CTNNA2: variants seen among roughly 807,000 people sequenced by gnomAD.
The protein encoded by CTNNA2 is catenin alpha-2.
In CTNNA2, 42 loss-of-function variants were observed where a neutral mutation model predicts 101.0. That is an observed-to-expected ratio of 0.42 (90% CI 0.32 to 0.54). The LOEUF is 0.54. Among genes scored for constraint, CTNNA2 ranks in the 20% least tolerant of loss-of-function variants. The pLI, the probability that CTNNA2 is intolerant of heterozygous loss-of-function variation, is 0.14. For missense variants in CTNNA2, 871 were observed against 1,223.1 expected, an observed-to-expected ratio of 0.71 and a Z score of 4.29; for synonymous variants, 450 against 456.4, an observed-to-expected ratio of 0.99 and a Z score of 0.18.
At chr2:79,653,713 T>G (rs961369953) in intron 2 of CTNNA2, among the ~76,000 whole-genome samples, 1 of 152,178 alleles carries the variant, frequency 6.6e-6, no homozygotes, top group African/African-American at 2.4e-5. Context: ...AGTCCTGGTT[T>G]CTTTTGGCTT....
chr2:80,461,024 A>G (rs536286851), intron 9 of CTNNA2, among the ~76,000 whole-genome samples: 9 of 152,222 alleles, frequency 5.9e-5, no homozygotes, highest in Non-Finnish European at 1.2e-4. Flanking sequence ...AGATAGCTAC[A>G]TAATCTTTAA....
At chr2:80,139,424 A>C (rs973346604) in intron 7 of CTNNA2, among the ~76,000 whole-genome samples, 4 of 151,996 alleles carry the variant, frequency 2.6e-5, no homozygotes, top group Non-Finnish European at 5.9e-5. Flanking sequence ...TTTATTCTTA[A>C]ATATGGTTTA....
chr2:79,414,371 G>A (rs1374499065), intron 4 of CTNNA2, among the ~76,000 whole-genome samples: 1 of 151,926 alleles, frequency 6.6e-6, no homozygotes, highest in African/African-American at 2.4e-5. Flanking sequence ...AAAACGAGGA[G>A]TAATGAGACA....
chr2:80,610,499 C>G (rs1400229930), intron 17 of CTNNA2, among the ~76,000 whole-genome samples: 5 of 151,532 alleles, frequency 3.3e-5, no homozygotes, highest in Non-Finnish European at 5.9e-5. Flanking sequence ...AAAAGAAATA[C>G]TTAAATCTTC....
chr2:80,215,133 C>T (rs1050290359), intron 7 of CTNNA2, among the ~76,000 whole-genome samples: 2 of 152,050 alleles, frequency 1.3e-5, no homozygotes, highest in African/African-American at 4.8e-5. Context: ...CTTCTCTGTG[C>T]TGTTTATTCT....
intron 2 of CTNNA2, among the ~76,000 whole-genome samples, chr2:79,717,858 A>C (rs1686209389): frequency 6.6e-6 from 1 of 152,148 alleles, no homozygotes. Flanking sequence ...TCATGGACTT[A>C]AAAGTGGAAC....
chr2:80,578,067 C>T (rs216619), intron 13 of CTNNA2, among the ~76,000 whole-genome samples: 64,393 of 151,980 alleles, frequency 0.42, 14,160 homozygotes, highest in East Asian at 0.57. Context: ...AGCAGGTGAA[C>T]GGGTCCTGTT....
chr2:79,975,989 A>G (rs1189244016), intron 7 of CTNNA2, among the ~76,000 whole-genome samples: 1 of 152,054 alleles, frequency 6.6e-6, no homozygotes, highest in African/African-American at 2.4e-5. Flanking sequence ...GAAACTCCCA[A>G]TCCTCTAATC....
chr2:80,142,195 A>G (rs1422395678), intron 7 of CTNNA2, among the ~76,000 whole-genome samples: 1 of 152,152 alleles, frequency 6.6e-6, no homozygotes, highest in African/African-American at 2.4e-5. Context: ...ACCAATGCCT[A>G]TCCTTCATGT....
chr2:80,458,352 G>A (rs924722929), intron 9 of CTNNA2, among the ~76,000 whole-genome samples: 2 of 152,050 alleles, frequency 1.3e-5, no homozygotes, highest in African/African-American at 2.4e-5. Flanking sequence ...AATTTATTCA[G>A]TTATTCAAAG....
At chr2:79,690,111 G>A (rs1362467764) in intron 2 of CTNNA2, among the ~76,000 whole-genome samples, 1 of 151,910 alleles carries the variant, frequency 6.6e-6, no homozygotes. Flanking sequence ...TCTAGGCACT[G>A]CAAGAAAACT....
At chr2:80,536,536 A>G (rs1199570332) in intron 9 of CTNNA2, among the ~76,000 whole-genome samples, 1 of 152,192 alleles carries the variant, frequency 6.6e-6, no homozygotes, top group African/African-American at 2.4e-5. Flanking sequence ...TTGGGAGTTG[A>G]ATGCAGTGAA....
chr2:80,336,459 A>G (rs528225007), intron 7 of CTNNA2, among the ~76,000 whole-genome samples: 73 of 152,264 alleles, frequency 4.8e-4, no homozygotes, highest in Middle Eastern at 3.4e-3. Flanking sequence ...ATATCTGTCC[A>G]TCCTATTTTT....
At chr2:79,311,214 T>C (rs13418226) in intron 2 of CTNNA2, among the ~76,000 whole-genome samples, 16,225 of 151,646 alleles carry the variant, frequency 0.11, 1,045 homozygotes, top group Middle Eastern at 0.21. Flanking sequence ...TCGAGACCAT[T>C]CTGGCTAACA....
At chr2:80,445,861 C>T (rs1045558412) in intron 9 of CTNNA2, among the ~76,000 whole-genome samples, 12 of 152,058 alleles carry the variant, frequency 7.9e-5, no homozygotes, top group African/African-American at 2.9e-4. Context: ...AGCATGTAGC[C>T]GTCAAGATCA....
At chr2:79,471,557 G>A (rs1475841510) in intron 4 of CTNNA2, among the ~76,000 whole-genome samples, 2 of 151,990 alleles carry the variant, frequency 1.3e-5, no homozygotes, top group African/African-American at 4.8e-5. Flanking sequence ...TTAACATATC[G>A]GCCGGGTGCA....
chr2:80,269,616 C>G (rs1673301261), intron 7 of CTNNA2, among the ~76,000 whole-genome samples: 2 of 152,026 alleles, frequency 1.3e-5, no homozygotes, highest in South Asian at 4.2e-4. Context: ...TTCTATCAAT[C>G]CCAAGCCCAG....
intron 3 of CTNNA2, among the ~76,000 whole-genome samples, chr2:79,319,295 GA>G (rs766038853): frequency 6.6e-6 from 1 of 152,144 alleles, no homozygotes; most frequent in Non-Finnish European, 1.5e-5. Context: ...TGGCAGAAAG[GA>G]AAGAGTATGA....
chr2:80,458,949 G>A (rs1022659335), intron 9 of CTNNA2, among the ~76,000 whole-genome samples: 15 of 152,046 alleles, frequency 9.9e-5, no homozygotes, highest in African/African-American at 3.6e-4. Context: ...CTATACAGAT[G>A]TACAATTAAA....
Sources: allele counts gnomAD v4.1 joint callset (sites outside exome capture counted in the v4.1 genomes callset), GRCh38; gene constraint gnomAD v4.1.1; transcripts MANE v1.5; gene names NCBI Gene and HGNC (gene_info 2026-07-23, HGNC 2026-07-21).